STXBP5L: variants seen among roughly 807,000 people sequenced by gnomAD.
The protein encoded by STXBP5L is syntaxin-binding protein 5-like.
In STXBP5L, 65 loss-of-function variants were observed where a neutral mutation model predicts 144.5. The ratio of observed to expected loss-of-function variants is 0.45; its 90% CI spans 0.37 to 0.55. The LOEUF is 0.55. Ranked by LOEUF, STXBP5L falls within the 20% of genes least tolerant of loss-of-function variation. STXBP5L has a pLI of 0.00. For missense variants in STXBP5L, 1,298 were observed against 1,405.5 expected (o/e 0.92, Z 1.22); for synonymous variants, 505 against 469.6 (o/e 1.08, Z -0.97).
intron 10 of STXBP5L, among the ~76,000 whole-genome samples, chr3:121,208,831 A>G (rs918047020): frequency 1.3e-5 from 2 of 152,072 alleles, no homozygotes; most frequent in Non-Finnish European, 2.9e-5. Flanking sequence ...GGTTTGTTAC[A>G]TAGTTATACA....
chr3:121,021,906 G>A (rs1486773448), intron 3 of STXBP5L, among the ~76,000 whole-genome samples: 1 of 151,956 alleles, frequency 6.6e-6, no homozygotes, highest in African/African-American at 2.4e-5. Flanking sequence ...CAGAAGAAAA[G>A]TCATAACCAA....
chr3:121,312,293 C>A (rs1324124853), intron 19 of STXBP5L, among the ~76,000 whole-genome samples: 2 of 149,258 alleles, frequency 1.3e-5, no homozygotes, highest in Non-Finnish European at 3.0e-5. Context: ...GCAAGGACTT[C>A]ATGTCTAAAA....
intron 3 of STXBP5L, among the ~76,000 whole-genome samples, chr3:121,032,711 A>T (rs1164479462): frequency 1.0e-5 from 1 of 95,434 alleles, no homozygotes; most frequent in African/African-American, 4.2e-5. Context: ...CAATGAACTC[A>T]AACAAATTTA....
chr3:120,977,851 T>G (rs1941261457), intron 3 of STXBP5L, among the ~76,000 whole-genome samples: 1 of 152,224 alleles, frequency 6.6e-6, no homozygotes. Flanking sequence ...ATTCTTTTCT[T>G]TAAGAATGTT....
chr3:121,004,900 C>T (rs897048138), intron 3 of STXBP5L, among the ~76,000 whole-genome samples: 2 of 152,262 alleles, frequency 1.3e-5, no homozygotes, highest in Admixed American at 1.3e-4. Flanking sequence ...AGGGATGAAG[C>T]CCACTTGATC....
chr3:120,973,549 AT>A (rs1261721616), intron 3 of STXBP5L, among the ~76,000 whole-genome samples: 2 of 150,550 alleles, frequency 1.3e-5, no homozygotes, highest in Non-Finnish European at 1.5e-5. Flanking sequence ...GATTCTTTAT[AT>A]TTTTTTATTA....
At chr3:121,041,634 A>G (rs1332476540) in intron 3 of STXBP5L, 66 bp from the exon 4 acceptor site, 54 of 1,163,274 alleles carry the variant, frequency 4.6e-5, no homozygotes, top group Non-Finnish European at 6.7e-5. Flanking sequence ...TCAATAAGTT[A>G]GTTTCTTTGC....
chr3:121,156,131 C>A (rs755980659), intron 8 of STXBP5L, among the ~76,000 whole-genome samples: 3 of 151,928 alleles, frequency 2.0e-5, no homozygotes, highest in Non-Finnish European at 4.4e-5. Flanking sequence ...GTAATGAAGG[C>A]CACAGAGTGA....
intron 20 of STXBP5L, among the ~76,000 whole-genome samples, chr3:121,355,037 G>A (rs939769372): frequency 1.3e-5 from 2 of 152,114 alleles, no homozygotes; most frequent in Non-Finnish European, 2.9e-5. Flanking sequence ...TGGCTTGTAG[G>A]GTTTCTGCCA....
chr3:121,225,981 C>G (rs2049110799), intron 11 of STXBP5L, among the ~76,000 whole-genome samples: 1 of 152,116 alleles, frequency 6.6e-6, no homozygotes, highest in Non-Finnish European at 1.5e-5. Context: ...AATGCTAAAA[C>G]ATGTAAACTG....
At chr3:121,170,737 A>T (rs1468008917) in intron 9 of STXBP5L, among the ~76,000 whole-genome samples, 1 of 152,174 alleles carries the variant, frequency 6.6e-6, no homozygotes, top group African/African-American at 2.4e-5. Flanking sequence ...CACCAGACGG[A>T]TTCACAGCCG....
intron 5 of STXBP5L, among the ~76,000 whole-genome samples, chr3:121,056,107 G>T (rs1194498071): frequency 6.6e-6 from 1 of 152,064 alleles, no homozygotes; most frequent in African/African-American, 2.4e-5. Context: ...ATCTGGTAAG[G>T]CTTATATATT....
chr3:121,065,882 T>C (rs1425873141), intron 5 of STXBP5L, among the ~76,000 whole-genome samples: 1 of 152,174 alleles, frequency 6.6e-6, no homozygotes, highest in Admixed American at 6.6e-5. Flanking sequence ...TTGCATGTTG[T>C]TGGATTGAGG....
intron 10 of STXBP5L, among the ~76,000 whole-genome samples, chr3:121,211,183 C>G (rs2048550874): frequency 6.6e-6 from 1 of 152,162 alleles, no homozygotes; most frequent in African/African-American, 2.4e-5. Flanking sequence ...ATTTTATTCT[C>G]TTTGTAGCAA....
intron 12 of STXBP5L, among the ~76,000 whole-genome samples, chr3:121,237,457 G>T (rs1242461587): frequency 6.6e-6 from 1 of 152,218 alleles, no homozygotes; most frequent in East Asian, 1.9e-4. Flanking sequence ...TCCTGTGATT[G>T]TGATGGGATG....
chr3:120,959,938 C>T (rs1938557918), intron 3 of STXBP5L, among the ~76,000 whole-genome samples: 1 of 152,024 alleles, frequency 6.6e-6, no homozygotes, highest in African/African-American at 2.4e-5. Context: ...TTCTACACAG[C>T]AAAAGAAACT....
rs555527376 is a variant in STXBP5L, at chr3:121,331,329, G to A, written c.2176+12789G>A. On this transcript the variant is annotated intron_variant, in intron 20 of 26. Coordinates refer to ENST00000471454, the MANE Select transcript of STXBP5L (RefSeq NM_001308330.2). ...CTTCTCCCCCTTGCTCGCCACTGCA[G>A]ACACAGTTGAGGCTTCTCCCATGGG... Among the ~76,000 whole-genome samples, 505 of 152,308 alleles carry A rather than the reference G, an allele frequency of 3.3e-3. 2 individuals carry two copies. The highest frequency in any genetic ancestry group is 6.0e-3 in the South Asian group (29 of 4,822).
At chr3:121,012,497 G>T (rs1443611886) in intron 3 of STXBP5L, among the ~76,000 whole-genome samples, 1 of 151,616 alleles carries the variant, frequency 6.6e-6, no homozygotes, top group Admixed American at 6.6e-5. Context: ...ACTTGCTATT[G>T]TTTATTTTTT....
rs150663571 is a variant in STXBP5L at position 121,059,239 on chromosome 3, T to G, written c.470+13704T>G. 5.4e-3 allele frequency among the ~76,000 whole-genome samples: 827 copies of G among 152,166 alleles called. 3 individuals carry two copies. The highest frequency in any genetic ancestry group is 0.023 in the South Asian group (109 of 4,822). The stretch of plus-strand genomic sequence containing the variant: ...ATTTATTAAATAGAGAATCCTTTCC[T>G]TATTGCTTGTTTTAGTCAGGTTTGT... On this transcript the variant is annotated intron_variant, in intron 5 of 26. Transcript: ENST00000471454.
Sources: allele counts gnomAD v4.1 joint callset (sites outside exome capture counted in the v4.1 genomes callset), GRCh38; gene constraint gnomAD v4.1.1; transcripts MANE v1.5; gene names NCBI Gene and HGNC (gene_info 2026-07-23, HGNC 2026-07-21).